BCAS3: variants seen among roughly 807,000 people sequenced by gnomAD.
BCAS3 encodes the protein BCAS3 microtubule associated cell migration factor.
BCAS3 carries 53 observed loss-of-function variants against 116.1 expected under a neutral mutation model. The observed-to-expected ratio is 0.46, with a 90% confidence interval of 0.37 to 0.57. The LOEUF (loss-of-function observed/expected upper bound fraction) is 0.57. BCAS3 is among the 20% of genes least tolerant of loss of function. BCAS3 has a pLI of 0.00. For missense variants in BCAS3, 917 were observed against 1,165.4 expected, an observed-to-expected ratio of 0.79 and a Z score of 3.10; for synonymous variants, 391 against 408.2, an observed-to-expected ratio of 0.96 and a Z score of 0.51.
intron 7 of BCAS3, among the ~76,000 whole-genome samples, chr17:60,814,302 T>TGCGC (rs58998607): frequency 0.027 from 3,700 of 138,828 alleles, 189 homozygotes; most frequent in African/African-American, 0.1. Flanking sequence ...TGTGTGTGTG[T>TGCGC]GTGTGCGCGC....
chr17:61,289,201 A>G (rs1224638815), intron 22 of BCAS3, among the ~76,000 whole-genome samples: 1 of 152,034 alleles, frequency 6.6e-6, no homozygotes, highest in Non-Finnish European at 1.5e-5. Context: ...GAGAGAATGT[A>G]CCCCCGCGAC....
intron 6 of BCAS3, among the ~76,000 whole-genome samples, chr17:60,805,114 AATAAC>A (rs1198134097): frequency 1.3e-5 from 2 of 151,798 alleles, no homozygotes; most frequent in Admixed American, 1.3e-4. Context: ...TCGTTATATA[AATAAC>A]ATATTTATAT....
At chr17:61,283,591 C>A (rs938588413) in intron 22 of BCAS3, among the ~76,000 whole-genome samples, 12 of 151,690 alleles carry the variant, frequency 7.9e-5, no homozygotes, top group South Asian at 2.1e-4. Context: ...GTAGCTGGGA[C>A]TACAGGCGAC....
At position 61,136,987 on chromosome 17, in the gene BCAS3, A is replaced by G. The variant is rs1212084039; in HGVS notation, c.2425+52423A>G. ...ATTGTATACATCAAATGTAAGAATT[A>G]TGAATTACATTTCAATAAAACTTTT... On this transcript the variant is annotated intron_variant, in intron 22 of 23. Transcript: ENST00000407086. The surrounding 1 kb of genome is among the most constrained non-coding windows in gnomAD (Gnocchi z 4.4). 6.6e-6 allele frequency among the ~76,000 whole-genome samples: 1 copy of G among 152,238 alleles called. No individual in the cohort carries two copies. The highest frequency in any genetic ancestry group is 2.4e-5 in the African/African-American group (1 of 41,458).
At chr17:60,957,325 C>A (rs1027474054) in intron 14 of BCAS3, among the ~76,000 whole-genome samples, 4 of 152,064 alleles carry the variant, frequency 2.6e-5, no homozygotes, top group Non-Finnish European at 4.4e-5. Context: ...TAACTGATAA[C>A]TATTTGATGG....
At chr17:60,978,077 A>G (rs1040573485) in intron 14 of BCAS3, among the ~76,000 whole-genome samples, 2 of 127,282 alleles carry the variant, frequency 1.6e-5, no homozygotes, top group Non-Finnish European at 3.1e-5. Context: ...GAATCGCCAC[A>G]CTGACTTCCA....
At chr17:61,116,807 T>C (rs1210970113) in intron 22 of BCAS3, among the ~76,000 whole-genome samples, 1 of 152,244 alleles carries the variant, frequency 6.6e-6, no homozygotes, top group Non-Finnish European at 1.5e-5. Context: ...AAAAAAATAT[T>C]GTGTTACTTT....
Position 61,388,004 on chromosome 17 carries a change from T to C in BCAS3, c.2594-3973T>C, listed in dbSNP as rs78709592. Among the ~76,000 whole-genome samples the C allele has an allele frequency of 1.8e-3, 272 of 152,170 alleles. 2 individuals carry two copies. Among genetic ancestry groups the C allele is most frequent in the African/African-American group, 6.1e-3 (253 of 41,510 alleles). ...TTAAAGCTTCTCCCACTGACCAGAA[T>C]CTCCACACCTCTAAGGGGGGAGGTG... On this transcript the variant is annotated intron_variant, in intron 23 of 23. Transcript: ENST00000407086. The surrounding 1 kb of genome is among the most constrained non-coding windows in gnomAD (Gnocchi z 6.5).
intron 14 of BCAS3, among the ~76,000 whole-genome samples, chr17:60,972,385 G>A (rs1394188155): frequency 1.3e-5 from 2 of 151,546 alleles, no homozygotes; most frequent in African/African-American, 4.9e-5. Flanking sequence ...CATGGCAGGG[G>A]AAGCTACCCT....
At chr17:60,892,601 G>A (rs1203401304) in intron 10 of BCAS3, among the ~76,000 whole-genome samples, 6 of 150,052 alleles carry the variant, frequency 4.0e-5, no homozygotes, top group Non-Finnish European at 4.4e-5. Flanking sequence ...GAGCCCCAGC[G>A]TCCGGCCGTT....
At chr17:60,711,717 G>C (rs966648177) in intron 5 of BCAS3, among the ~76,000 whole-genome samples, 5 of 151,612 alleles carry the variant, frequency 3.3e-5, no homozygotes, top group Admixed American at 6.6e-5. Flanking sequence ...TTTTTTGATA[G>C]AATTTTCTTT....
intron 15 of BCAS3, among the ~76,000 whole-genome samples, chr17:61,009,612 CAA>C (rs1165212285): frequency 1.3e-5 from 2 of 151,958 alleles, no homozygotes; most frequent in Non-Finnish European, 2.9e-5. Flanking sequence ...AGAAAGGATG[CAA>C]ATACATTCAT....
rs1041907935 is a variant in BCAS3 at position 61,297,917 on chromosome 17, A to G, written c.2426-70410A>G. ...AAAAAGACTGTTTCCAATAGTATCA[A>G]ACGACTACCAATTAGTATTTTGTTG... On this transcript the variant is annotated intron_variant, in intron 22 of 23. Coordinates refer to ENST00000407086, the MANE Select transcript of BCAS3 (RefSeq NM_017679.5). 3.3e-5 allele frequency among the ~76,000 whole-genome samples: 5 copies of G among 152,218 alleles called. No individual in the cohort carries two copies. The East Asian group carries it at 5.8e-4, about 18-fold the overall frequency.
intron 22 of BCAS3, among the ~76,000 whole-genome samples, chr17:61,230,899 A>T (rs1442839479): frequency 1.3e-5 from 2 of 151,402 alleles, no homozygotes; most frequent in Non-Finnish European, 2.9e-5. Flanking sequence ...GAACTAGTTT[A>T]TAACAACAGT....
chr17:61,287,501 G>A (rs114337516), intron 22 of BCAS3, among the ~76,000 whole-genome samples: 1 of 152,252 alleles, frequency 6.6e-6, no homozygotes, highest in African/African-American at 2.4e-5. Context: ...TAAGACAGGA[G>A]GATTACTTGA....
intron 7 of BCAS3, among the ~76,000 whole-genome samples, chr17:60,809,270 CAA>C (rs539614540): frequency 1.0e-3 from 76 of 73,850 alleles, no homozygotes; most frequent in Non-Finnish European, 1.6e-3. Flanking sequence ...GACTCTGTCT[CAA>C]AAAAAAAAAA....
At position 61,105,225 on chromosome 17, in the gene BCAS3, C is replaced by G. The variant is rs1454700027; in HGVS notation, c.2425+20661C>G. Reference sequence around the variant, plus strand: ...TGCCTTGCACCAGCCCAGTTTTCCACTCAGGTGGTTTACCCCAAAACCTGG... The same window carrying G: ...TGCCTTGCACCAGCCCAGTTTTCCAGTCAGGTGGTTTACCCCAAAACCTGG... On this transcript the variant is annotated intron_variant, in intron 22 of 23. Transcript: ENST00000407086. This position sits in a 1 kb window ranked among gnomAD's most constrained non-coding sequence, Gnocchi z 4.3. Among the ~76,000 whole-genome samples the G allele has an allele frequency of 6.6e-6, 1 of 152,210 alleles. No individual in the cohort carries two copies. The highest frequency in any genetic ancestry group is 1.5e-5 in the Non-Finnish European group (1 of 68,032).
At chr17:61,236,775 A>T (rs961704434) in intron 22 of BCAS3, among the ~76,000 whole-genome samples, 5 of 152,128 alleles carry the variant, frequency 3.3e-5, no homozygotes, top group African/African-American at 9.7e-5. Flanking sequence ...AAAAAAAAAA[A>T]AGGCTTTTTG....
At chr17:60,894,668 A>G (rs538003659) in intron 10 of BCAS3, among the ~76,000 whole-genome samples, 11 of 152,118 alleles carry the variant, frequency 7.2e-5, no homozygotes, top group African/African-American at 2.6e-4. Context: ...AGGCTTTTAA[A>G]TTTTCCCCAT....
Sources: gnomAD v4.1 joint callset for allele counts (sites outside exome capture counted in the v4.1 genomes callset) on GRCh38, gnomAD v4.1.1 for gene constraint, Gnocchi (gnomAD v3.1) non-coding constraint, MANE v1.5 for transcripts, NCBI Gene and HGNC (gene_info 2026-07-23, HGNC 2026-07-21) for gene names.